Variants in KCNIP4 observed in about 807,000 individuals in gnomAD.
KCNIP4 encodes potassium voltage-gated channel interacting protein 4.
In KCNIP4, 12 loss-of-function variants were observed where a neutral mutation model predicts 34.0. The observed-to-expected ratio is 0.35, with a 90% CI of 0.23 to 0.57. The LOEUF is 0.57. KCNIP4 is among the 20% of genes least tolerant of loss of function. The pLI is 0.83. For synonymous variants in KCNIP4, 124 were observed against 102.2 expected, an observed-to-expected ratio of 1.21 and a Z score of -1.29; for missense variants, 238 against 311.7, an observed-to-expected ratio of 0.76 and a Z score of 1.78.
chr4:21,261,486 T>A (rs186739336), intron 1 of KCNIP4, among the ~76,000 whole-genome samples: 511 of 152,294 alleles, frequency 3.4e-3, no homozygotes, highest in Non-Finnish European at 6.2e-3. Flanking sequence ...ATTACACTCC[T>A]GTGTCATGAA....
At chr4:21,836,195 G>A (rs191688144) in intron 1 of KCNIP4, among the ~76,000 whole-genome samples, 1 of 152,134 alleles carries the variant, frequency 6.6e-6, no homozygotes, top group East Asian at 1.9e-4. Context: ...TAGATCATTG[G>A]GTCTTACATA....
chr4:20,828,904 C>T (rs769243745), intron 3 of KCNIP4, among the ~76,000 whole-genome samples: 3 of 152,278 alleles, frequency 2.0e-5, no homozygotes, highest in Non-Finnish European at 4.4e-5. Flanking sequence ...AATGTTCAGA[C>T]TTGCTGGAAA....
intron 1 of KCNIP4, among the ~76,000 whole-genome samples, chr4:21,571,224 G>T (rs1740344132): frequency 6.6e-6 from 1 of 152,124 alleles, no homozygotes; most frequent in African/African-American, 2.4e-5. Context: ...GCTGAGCAAT[G>T]GTGATGAGAA....
At chr4:21,875,192 G>A (rs1726038240) in intron 1 of KCNIP4, among the ~76,000 whole-genome samples, 1 of 152,160 alleles carries the variant, frequency 6.6e-6, no homozygotes, top group African/African-American at 2.4e-5. Context: ...CCACGATGCA[G>A]ACTTGGGTCT....
At chr4:21,804,103 C>T (rs2109257870) in intron 1 of KCNIP4, among the ~76,000 whole-genome samples, 1 of 152,310 alleles carries the variant, frequency 6.6e-6, no homozygotes, top group East Asian at 1.9e-4. Context: ...TAATTTTCCT[C>T]TCAACTGGGG....
At chr4:21,821,625 G>C (rs557864424) in intron 1 of KCNIP4, among the ~76,000 whole-genome samples, 77 of 152,098 alleles carry the variant, frequency 5.1e-4, no homozygotes, top group Non-Finnish European at 9.3e-4. Context: ...ACTCTTCATT[G>C]CAGAGTGGAA....
rs1033331914 is a variant in KCNIP4 at position 20,762,155 on chromosome 4, G to A, written c.289-3265C>T. 2.0e-5 allele frequency among the ~76,000 whole-genome samples: 3 copies of A among 152,302 alleles called. No homozygotes were observed. The East Asian group carries it at 5.8e-4, about 29-fold the overall frequency. On this transcript the variant is annotated intron_variant, in intron 3 of 8. Coordinates refer to ENST00000382152, the MANE Select transcript of KCNIP4 (RefSeq NM_025221.6). ...AGGATTAGCAGATTCAGTGCTTGAT[G>A]AGGCCACATTCCTGGTTCATAGATG...
intron 1 of KCNIP4, among the ~76,000 whole-genome samples, chr4:20,909,224 A>G (rs1469081193): frequency 3.3e-5 from 5 of 152,136 alleles, no homozygotes; most frequent in African/African-American, 1.2e-4. Flanking sequence ...AGGAGTTTTT[A>G]ATTTTTTTGT....
intron 1 of KCNIP4, among the ~76,000 whole-genome samples, chr4:21,245,605 G>A (rs1760138755): frequency 1.3e-5 from 2 of 151,964 alleles, no homozygotes; most frequent in East Asian, 3.9e-4. Flanking sequence ...TTTTAAGAGG[G>A]GAATAATATT....
chr4:20,753,636 G>T (rs1464381393), intron 4 of KCNIP4, among the ~76,000 whole-genome samples: 1 of 152,102 alleles, frequency 6.6e-6, no homozygotes, highest in East Asian at 1.9e-4. Context: ...TCACCTTCAT[G>T]TATTTGAATA....
chr4:21,820,338 TAC>T (rs1400782526), intron 1 of KCNIP4, among the ~76,000 whole-genome samples: 1 of 140,744 alleles, frequency 7.1e-6, no homozygotes, highest in Non-Finnish European at 1.5e-5. Flanking sequence ...TATATACACA[TAC>T]ACACACACAC....
intron 1 of KCNIP4, among the ~76,000 whole-genome samples, chr4:21,556,283 T>A (rs1395400473): frequency 6.6e-6 from 1 of 152,124 alleles, no homozygotes; most frequent in Admixed American, 6.5e-5. Context: ...ATGTGTTTTA[T>A]CAACAAATAT....
intron 1 of KCNIP4, among the ~76,000 whole-genome samples, chr4:21,924,408 T>C (rs1729119243): frequency 6.6e-6 from 1 of 151,938 alleles, no homozygotes; most frequent in Non-Finnish European, 1.5e-5. Flanking sequence ...CACACCTGGC[T>C]AATTTTTTTG....
chr4:21,780,621 G>A (rs1196772473), intron 1 of KCNIP4, among the ~76,000 whole-genome samples: 1 of 152,154 alleles, frequency 6.6e-6, no homozygotes, highest in Non-Finnish European at 1.5e-5. Flanking sequence ...CCATTCACAT[G>A]AGTCTCAGTT....
chr4:21,756,023 C>T (rs1233666150), intron 1 of KCNIP4, among the ~76,000 whole-genome samples: 1 of 152,166 alleles, frequency 6.6e-6, no homozygotes, highest in Non-Finnish European at 1.5e-5. Context: ...CAGCCCAACT[C>T]CTTTTTTAGA....
chr4:21,441,337 G>A (rs1475421713), intron 1 of KCNIP4, among the ~76,000 whole-genome samples: 1 of 151,694 alleles, frequency 6.6e-6, no homozygotes, highest in Non-Finnish European at 1.5e-5. Context: ...TAGAGACAGG[G>A]TTTCACCGTG....
chr4:21,350,021 C>T (rs1717852501), intron 1 of KCNIP4, among the ~76,000 whole-genome samples: 1 of 152,072 alleles, frequency 6.6e-6, no homozygotes, highest in African/African-American at 2.4e-5. Context: ...ACTCTACCTC[C>T]TTCTTTCTCT....
At chr4:20,963,674 A>C (rs943338812) in intron 1 of KCNIP4, among the ~76,000 whole-genome samples, 3 of 152,164 alleles carry the variant, frequency 2.0e-5, no homozygotes, top group African/African-American at 7.2e-5. Flanking sequence ...GATTTTGTGC[A>C]GTGAAAGAGG....
At chr4:21,324,001 G>A in intron 1 of KCNIP4, among the ~76,000 whole-genome samples, 1 of 152,028 alleles carries the variant, frequency 6.6e-6, no homozygotes, top group East Asian at 1.9e-4. Flanking sequence ...AATGACCAGT[G>A]ATGTTGAGCA....
Sources: allele counts gnomAD v4.1 joint callset (sites outside exome capture counted in the v4.1 genomes callset), GRCh38; gene constraint gnomAD v4.1.1; transcripts MANE v1.5; gene names NCBI Gene and HGNC (gene_info 2026-07-23, HGNC 2026-07-21).